Variants in SHISA9 observed in about 807,000 individuals in gnomAD.
The protein encoded by SHISA9 is protein shisa-9.
SHISA9 carries 13 observed loss-of-function variants against 38.0 expected under a neutral mutation model. The ratio of observed to expected loss-of-function variants is 0.34; its 90% CI spans 0.22 to 0.54. The LOEUF (loss-of-function observed/expected upper bound fraction) is 0.54, where lower values mean the gene tolerates loss of function less well. SHISA9 is among the 20% of genes least tolerant of loss of function. The pLI, the probability that SHISA9 is intolerant of heterozygous loss-of-function variation, is 0.91. For missense variants in SHISA9, 538 were observed against 575.8 expected, an observed-to-expected ratio of 0.93 and a Z score of 0.67; for synonymous variants, 275 against 242.0, an observed-to-expected ratio of 1.14 and a Z score of -1.27.
the SHISA9 span, among the ~76,000 whole-genome samples, chr16:13,347,255 A>T: frequency 6.6e-6 from 1 of 152,172 alleles, no homozygotes; most frequent in Non-Finnish European, 1.5e-5. Context: ...TTCTTAAACC[A>T]ATCCTATGAG....
chr16:13,069,389 GTA>G (rs2073481820), intron 2 of SHISA9, among the ~76,000 whole-genome samples: 1 of 151,852 alleles, frequency 6.6e-6, no homozygotes, highest in Non-Finnish European at 1.5e-5. Context: ...CATGCAATGT[GTA>G]TGTGTGTACA....
chr16:13,535,684 C>T, the SHISA9 span, among the ~76,000 whole-genome samples: 1 of 151,940 alleles, frequency 6.6e-6, no homozygotes, highest in African/African-American at 2.4e-5. Context: ...TTGTTTCATG[C>T]CCATGAGGCT....
the SHISA9 span, among the ~76,000 whole-genome samples, chr16:13,407,986 C>T: frequency 1.4e-3 from 209 of 152,246 alleles, 1 homozygote; most frequent in Non-Finnish European, 2.0e-3. Context: ...AGAGAGTTAA[C>T]TCAACATGTG....
intron 2 of SHISA9, among the ~76,000 whole-genome samples, chr16:13,034,445 G>T (rs906592621): frequency 1.3e-5 from 2 of 152,192 alleles, no homozygotes; most frequent in Non-Finnish European, 2.9e-5. Context: ...AGATCAGGGA[G>T]AATTGGAACA....
chr16:13,114,465 CAA>C (rs58742818), intron 2 of SHISA9, among the ~76,000 whole-genome samples: 4 of 51,018 alleles, frequency 7.8e-5, no homozygotes, highest in Non-Finnish European at 1.3e-4. Flanking sequence ...GATTCCATCT[CAA>C]AAAAAAAAAA....
At chr16:13,311,190 A>T in the SHISA9 span, among the ~76,000 whole-genome samples, 7,521 of 151,824 alleles carry the variant, frequency 0.05, 620 homozygotes, top group African/African-American at 0.17. Flanking sequence ...AAACAAAGAC[A>T]TTCATAAGGC....
At chr16:12,941,197 C>T (rs1486296327) in intron 2 of SHISA9, among the ~76,000 whole-genome samples, 1 of 151,968 alleles carries the variant, frequency 6.6e-6, no homozygotes, top group African/African-American at 2.4e-5. Flanking sequence ...ACTAAAAATA[C>T]AAGAAAATTA....
chr16:13,148,964 G>A (rs1483572594), intron 2 of SHISA9, among the ~76,000 whole-genome samples: 1 of 152,156 alleles, frequency 6.6e-6, no homozygotes. Flanking sequence ...CAGCTCTGAT[G>A]TCTGACGTCA....
intron 2 of SHISA9, among the ~76,000 whole-genome samples, chr16:13,171,836 A>G (rs1567234626): frequency 6.6e-6 from 1 of 152,204 alleles, no homozygotes; most frequent in Non-Finnish European, 1.5e-5. Context: ...ATTCGTATGC[A>G]TATGATAAAA....
chr16:13,453,618 T>G, the SHISA9 span, among the ~76,000 whole-genome samples: 1 of 152,202 alleles, frequency 6.6e-6, no homozygotes, highest in Non-Finnish European at 1.5e-5. Context: ...TCCAGCTGCC[T>G]GAAGATGCAG....
At chr16:13,215,162 C>A (rs542857557) in intron 4 of SHISA9, among the ~76,000 whole-genome samples, 105 of 152,204 alleles carry the variant, frequency 6.9e-4, no homozygotes, top group Middle Eastern at 6.8e-3. Flanking sequence ...GGGGAGGGAT[C>A]ATGAGACCAA....
At chr16:13,414,632 T>G in the SHISA9 span, among the ~76,000 whole-genome samples, 1 of 127,254 alleles carries the variant, frequency 7.9e-6, no homozygotes, top group Non-Finnish European at 1.6e-5. Context: ...TCTTTCTTTC[T>G]TTCTTCTTTC....
intron 2 of SHISA9, among the ~76,000 whole-genome samples, chr16:12,973,463 T>C (rs1019710834): frequency 2.0e-5 from 3 of 152,124 alleles, no homozygotes; most frequent in Admixed American, 1.3e-4. Flanking sequence ...TTAATTCCAT[T>C]TGGGCAGTCA....
intron 2 of SHISA9, among the ~76,000 whole-genome samples, chr16:13,052,966 T>C (rs1479347047): frequency 4.1e-5 from 6 of 145,786 alleles, no homozygotes; most frequent in Non-Finnish European, 9.0e-5. Flanking sequence ...TTTCTTTTTT[T>C]TTTTTTTTTT....
At chr16:13,522,772 C>T in the SHISA9 span, among the ~76,000 whole-genome samples, 1 of 152,122 alleles carries the variant, frequency 6.6e-6, no homozygotes, top group Non-Finnish European at 1.5e-5. Flanking sequence ...TAAATTAGTT[C>T]TTTAGGATTT....
At chr16:13,060,277 G>T (rs1191000402) in intron 2 of SHISA9, among the ~76,000 whole-genome samples, 2 of 152,200 alleles carry the variant, frequency 1.3e-5, no homozygotes, top group African/African-American at 2.4e-5. Context: ...GAAGCTGCTG[G>T]TGAGGAAGGT....
At chr16:13,321,080 G>T in the SHISA9 span, among the ~76,000 whole-genome samples, 1 of 152,212 alleles carries the variant, frequency 6.6e-6, no homozygotes, top group African/African-American at 2.4e-5. Flanking sequence ...AGATTCAAAT[G>T]TAAGTAGCCC....
chr16:13,390,971 G>A, the SHISA9 span, among the ~76,000 whole-genome samples: 1 of 152,258 alleles, frequency 6.6e-6, no homozygotes, highest in African/African-American at 2.4e-5. Flanking sequence ...TTCCAACCAT[G>A]GCAATCTGTG....
At chr16:13,544,414 G>GT in the SHISA9 span, among the ~76,000 whole-genome samples, 16 of 130,352 alleles carry the variant, frequency 1.2e-4, no homozygotes, top group East Asian at 2.3e-4. Flanking sequence ...GTTTTTTCGG[G>GT]TTTTTTTTTT....
Sources: gnomAD v4.1 joint callset for allele counts (sites outside exome capture counted in the v4.1 genomes callset) on GRCh38, gnomAD v4.1.1 for gene constraint, MANE v1.5 for transcripts, NCBI Gene and HGNC (gene_info 2026-07-23, HGNC 2026-07-21) for gene names.